KLHL38: variants seen among roughly 807,000 people sequenced by gnomAD.
KLHL38 encodes kelch like family member 38.
KLHL38 carries 38 observed loss-of-function variants against 39.6 expected under a neutral mutation model. The ratio of observed to expected loss-of-function variants is 0.96; its 90% CI spans 0.74 to 1.26. The LOEUF is 1.26. Ranked by LOEUF, KLHL38 falls within the 50% of genes most tolerant of loss-of-function variation. The pLI is 0.00. For missense variants in KLHL38, 803 were observed against 748.1 expected, an observed-to-expected ratio of 1.07 and a Z score of -0.86; for synonymous variants, 322 against 302.2, an observed-to-expected ratio of 1.07 and a Z score of -0.68.
Position 123,646,988 on chromosome 8 carries a change from C to T in KLHL38, c.1377G>A (p.Trp459Ter), listed in dbSNP as rs1563591874. ...IQVYHISRNS[W>*]FKMETRMIKN... Reference sequence around the variant, plus strand: ...TGATCATTCTTGTCTCCATTTTGAACCACGAGTTTCTGGAAATGTGATAAA... The same window carrying T: ...TGATCATTCTTGTCTCCATTTTGAATCACGAGTTTCTGGAAATGTGATAAA... The change falls in exon 3 of 4, where the codon TGG (tryptophan) becomes TGA (stop). Residue 459 changes from tryptophan to a stop codon, truncating the protein, a stop_gained. Coordinates refer to ENST00000684634, the MANE Select transcript of KLHL38 (RefSeq NM_001081675.3). LOFTEE classifies it high-confidence loss of function. The T allele has an allele frequency of 2.5e-6, 4 of 1,612,352 alleles. No individual in the cohort carries two copies. The South Asian group carries it at 4.4e-5, about 18-fold the overall frequency.
chr8:123,645,595 T>C lies in KLHL38; in HGVS notation c.*144A>G. 1 of 751,604 alleles carries C rather than the reference T, an allele frequency of 1.3e-6. No individual in the cohort carries two copies. Among genetic ancestry groups the C allele is most frequent in the Non-Finnish European group, 2.2e-6 (1 of 460,672 alleles). The allele number at this position is 751,604 out of a possible 1,614,324, so 46.6% of individuals were successfully genotyped here. A position where few individuals can be genotyped will look rare whatever the true frequency, so the allele number is the denominator to read the frequency against. On this transcript the variant is annotated 3_prime_UTR_variant, in exon 4 of 4. Transcript: ENST00000684634. ...GAGAGAGAGAGTTCTGGCAATGCAA[T>C]GCCTAGTTCCAGGCCTCCCGACTCT...
intron 3 of KLHL38, among the ~76,000 whole-genome samples, chr8:123,646,659 T>C (rs1818669263): frequency 1.3e-5 from 2 of 152,220 alleles, no homozygotes; most frequent in Admixed American, 6.5e-5. Context: ...GTGCTTTAGA[T>C]ACACGAGTAC....
At chr8:123,651,486 G>T in intron 2 of KLHL38, 91 bp downstream of exon 2, 1 of 1,356,588 alleles carries the variant, frequency 7.4e-7, no homozygotes, top group Non-Finnish European at 1.0e-6. Context: ...TGGTGTGTAT[G>T]TATACATGTG....
chr8:123,652,961 A>G, intron 1 of KLHL38, 34 bp from the exon 2 acceptor site: 1 of 1,553,942 alleles, frequency 6.4e-7, no homozygotes, highest in South Asian at 1.2e-5. Flanking sequence ...CAGAGTCAGC[A>G]AGAGTCAAAC....
intron 2 of KLHL38, among the ~76,000 whole-genome samples, chr8:123,649,983 C>G (rs909433615): frequency 1.3e-5 from 2 of 152,178 alleles, no homozygotes; most frequent in Admixed American, 1.3e-4. Context: ...AGAACTCTGA[C>G]TCCGGCTTCA....
chr8:123,650,025 A>G (rs1812610699), intron 2 of KLHL38, among the ~76,000 whole-genome samples: 1 of 151,608 alleles, frequency 6.6e-6, no homozygotes, highest in African/African-American at 2.4e-5. Context: ...ATCTCCCTCT[A>G]AGTCGGATCT....
intron 3 of KLHL38, 37 bp from the exon 4 acceptor site, chr8:123,646,065 G>A: frequency 1.3e-6 from 2 of 1,586,548 alleles, no homozygotes; most frequent in Non-Finnish European, 1.7e-6. Flanking sequence ...GCTCAGTGTT[G>A]CTCATCTGGG....
At chr8:123,647,939 CGTGTGGTAGTGCATGCCT>C (rs1365002134) in intron 2 of KLHL38, among the ~76,000 whole-genome samples, 12 of 152,004 alleles carry the variant, frequency 7.9e-5, no homozygotes, top group African/African-American at 2.9e-4. Flanking sequence ...AAATTAGCTG[CGTGTGGTAGTGCATGCCT>C]GTAGTTCCAG....
chr8:123,651,045 A>G (rs1174297090), intron 2 of KLHL38, among the ~76,000 whole-genome samples: 2 of 152,324 alleles, frequency 1.3e-5, no homozygotes, highest in East Asian at 3.9e-4. Context: ...GTGCATAGGG[A>G]TGGTATTTGA....
rs771203994 is a variant in KLHL38, at chr8:123,651,778, G to T, written c.1149C>A (p.Asn383Lys). The T allele has an allele frequency of 1.2e-5, 20 of 1,614,018 alleles. No homozygotes were observed. The highest frequency in any genetic ancestry group is 6.8e-6 in the Non-Finnish European group (8 of 1,180,040). Residue 383 changes from asparagine (N) to lysine (K), a missense_variant, in exon 2 of 4, where the codon AAC (asparagine) becomes AAA (lysine). Coordinates refer to ENST00000684634, the MANE Select transcript of KLHL38 (RefSeq NM_001081675.3). Reference sequence around the variant, plus strand: ...CAATCCCCCCGATGGAGAAGATGAAGTTCTTATGGGCAGTGCTTCTGTGGG... The same window carrying T: ...CAATCCCCCCGATGGAGAAGATGAATTTCTTATGGGCAGTGCTTCTGTGGG... ...RYSHRSTAHK[N>K]FIFSIGGIGE...
rs1195620131 is a variant in KLHL38, at chr8:123,645,023, C to CTG, written c.*715_*716insCA. 0.038 allele frequency among the ~76,000 whole-genome samples: 5,675 copies of CTG among 150,690 alleles called. 151 individuals carry two copies. Among genetic ancestry groups the CTG allele is most frequent in the Non-Finnish European group, 0.059 (3,987 of 67,480 alleles). On this transcript the variant is annotated 3_prime_UTR_variant, in exon 4 of 4. Transcript: ENST00000684634. ...AACCTAGGGATGAGAGAGAGGAAGACAGAGGGGAGACTGAGAGAGAGAGAG... is the reference window on the plus strand; with the variant it reads ...AACCTAGGGATGAGAGAGAGGAAGACTGAGAGGGGAGACTGAGAGAGAGAGAG...
In KLHL38 at chr8:123,652,764, TG is replaced by T; in HGVS notation, c.162del (p.Ser55AlafsTer23). 6.2e-7 allele frequency: 1 copy of T among 1,614,222 alleles called. No individual in the cohort carries two copies. The highest frequency in any genetic ancestry group is 8.5e-7 in the Non-Finnish European group (1 of 1,180,034). ...EIPCHRNVLA[S>X]SSPYFRAMFC... ...AACATAGCCCTGAAGTAGGGGCTGC[TG>T]GAGGCCAGCACGTTGCGGTGGCAGG... On this transcript the variant is annotated frameshift_variant, in exon 2 of 4. Coordinates refer to ENST00000684634, the MANE Select transcript of KLHL38 (RefSeq NM_001081675.3). LOFTEE classifies it high-confidence loss of function.
Position 123,645,035 on chromosome 8 carries a change from TGAGA to T in KLHL38, c.*700_*703del, listed in dbSNP as rs56194946. Among the ~76,000 whole-genome samples the T allele has an allele frequency of 2.1e-5, 3 of 143,444 alleles. No individual in the cohort carries two copies. Among genetic ancestry groups the T allele is most frequent in the African/African-American group, 7.7e-5 (3 of 38,894 alleles). The allele number at this position is 143,444 out of a possible 152,430, so 94.1% of individuals were successfully genotyped here. ...AGAGAGAGGAAGACAGAGGGGAGAC[TGAGA>T]GAGAGAGAGAGAGAGAGGGGCAGAG... On this transcript the variant is annotated 3_prime_UTR_variant, in exon 4 of 4. Coordinates refer to ENST00000684634, the MANE Select transcript of KLHL38 (RefSeq NM_001081675.3).
chr8:123,648,102 T>A (rs9642868), intron 2 of KLHL38, among the ~76,000 whole-genome samples: 8,366 of 152,134 alleles, frequency 0.055, 408 homozygotes, highest in East Asian at 0.23. Context: ...TAAGGTAAGA[T>A]TACCAGCACT....
chr8:123,646,120 C>T (rs556640711), intron 3 of KLHL38, 92 bp from the exon 4 acceptor site: 16 of 1,165,216 alleles, frequency 1.4e-5, no homozygotes, highest in Middle Eastern at 2.0e-4. Flanking sequence ...CCTGCCACTG[C>T]GTAAGGCTGA....
chr8:123,651,809 C>T lies in KLHL38; in HGVS notation c.1118G>A (p.Arg373His), dbSNP rs201491875. The T allele has an allele frequency of 4.5e-5, 73 of 1,614,110 alleles. No homozygotes were observed. The highest frequency in any genetic ancestry group is 2.9e-4 in the East Asian group (13 of 44,868). The change falls in exon 2 of 4, where the codon CGC becomes CAC. Residue 373 changes from arginine to histidine, a missense_variant. By Grantham distance (29) the Arg-to-His change is conservative. Coordinates refer to ENST00000684634, the MANE Select transcript of KLHL38 (RefSeq NM_001081675.3). ...ATGGGCAGTGCTTCTGTGGGAGTAG[C>T]GGGCCACCAGCATGGGCTCCCCCAG... is the stretch of plus-strand genomic sequence containing the variant. ...WRLGEPMLVA[R>H]YSHRSTAHKN...
intron 2 of KLHL38, among the ~76,000 whole-genome samples, chr8:123,650,825 T>C (rs536118789): frequency 1.3e-5 from 2 of 152,278 alleles, no homozygotes; most frequent in Admixed American, 1.3e-4. Flanking sequence ...CACAAAGATA[T>C]TTTGATTCAG....
In KLHL38 at chr8:123,646,950, G is replaced by T. The variant is rs759302302; in HGVS notation, c.1415C>A (p.Ala472Asp). 3.0e-5 allele frequency: 49 copies of T among 1,613,688 alleles called. No homozygotes were observed. In the South Asian group the frequency reaches 5.2e-4, roughly 17 times the overall value. The change falls in exon 3 of 4, where the codon GCC (alanine) becomes GAC (aspartate). Residue 472 changes from alanine to aspartate, a missense_variant. Physicochemically the swap from Ala to Asp is moderately radical, Grantham distance 126 (BLOSUM62 -2). Coordinates refer to ENST00000684634, the MANE Select transcript of KLHL38 (RefSeq NM_001081675.3). ...METRMIKNVCAPAVVLGERIV... is the reference protein window; with the variant it reads ...METRMIKNVCDPAVVLGERIV... ...CCGCTCCCCAAGCACCACTGCAGGG[G>T]CACACACGTTCTTGATCATTCTTGT...
chr8:123,649,522 C>T (rs1403534312), intron 2 of KLHL38, among the ~76,000 whole-genome samples: 1 of 152,208 alleles, frequency 6.6e-6, no homozygotes, highest in African/African-American at 2.4e-5. Flanking sequence ...CCAATCCCTT[C>T]TCTACAAGGC....
Sources: allele counts gnomAD v4.1 joint callset (sites outside exome capture counted in the v4.1 genomes callset), GRCh38; gene constraint gnomAD v4.1.1; transcripts MANE v1.5; gene names NCBI Gene and HGNC (gene_info 2026-07-23, HGNC 2026-07-21).